The following DYSF variants were observed in gnomAD, a reference collection of about 807,000 sequenced individuals.
The protein encoded by DYSF is dysferlin, also known as dystrophy-associated fer-1-like 1.
DYSF carries 212 observed loss-of-function variants against 274.9 expected under a neutral mutation model. The observed-to-expected ratio is 0.77, with a 90% CI of 0.69 to 0.86. The LOEUF (loss-of-function observed/expected upper bound fraction) is 0.86, where lower values mean the gene tolerates loss of function less well. Among genes scored for constraint, DYSF ranks in the 40% least tolerant of loss-of-function variants. The pLI is 0.00. For synonymous variants in DYSF, 1,091 were observed against 1,078.7 expected, an observed-to-expected ratio of 1.01 and a Z score of -0.22; for missense variants, 2,666 against 2,783.2, an observed-to-expected ratio of 0.96 and a Z score of 0.95.
intron 43 of DYSF, among the ~76,000 whole-genome samples, chr2:71,657,588 T>C (rs2094797714): frequency 6.6e-6 from 1 of 152,206 alleles, no homozygotes; most frequent in Admixed American, 6.5e-5. Flanking sequence ...ATCCAGGTGT[T>C]TCCATACCTC....
In DYSF at chr2:71,527,628, G is replaced by GT. The variant is rs1026534356; in HGVS notation, c.1277-667dup. 7.2e-5 allele frequency among the ~76,000 whole-genome samples: 11 copies of GT among 152,144 alleles called. No homozygotes were observed. The East Asian group carries it at 2.1e-3, about 29-fold the overall frequency. On this transcript the variant is annotated intron_variant, in intron 13 of 55. Transcript: ENST00000410020. Reference sequence around the variant, plus strand: ...ATAGATGGGCAAACAGATCATAAATGTTTGCTAATTGTTGTTGCCTTTTGT... The same window carrying GT: ...ATAGATGGGCAAACAGATCATAAATGTTTTGCTAATTGTTGTTGCCTTTTGT...
At chr2:71,541,158 G>C (rs534922237) in intron 17 of DYSF, among the ~76,000 whole-genome samples, 2 of 152,176 alleles carry the variant, frequency 1.3e-5, no homozygotes, top group East Asian at 3.9e-4. Context: ...TAATTGTAAA[G>C]ATTTAAAGTC....
At chr2:71,539,069 T>C (rs1337893292) in intron 16 of DYSF, 88 bp from the exon 17 acceptor site, 6 of 1,161,390 alleles carry the variant, frequency 5.2e-6, no homozygotes, top group African/African-American at 3.0e-5. Context: ...CCCCCTGTGA[T>C]GTGTAACCGA....
intron 3 of DYSF, among the ~76,000 whole-genome samples, chr2:71,490,722 A>C (rs891080165): frequency 6.6e-6 from 1 of 152,214 alleles, no homozygotes; most frequent in Non-Finnish European, 1.5e-5. Context: ...GAATTATGCT[A>C]TATGTATTGG....
intron 54 of DYSF, among the ~76,000 whole-genome samples, chr2:71,682,067 G>A (rs1387344198): frequency 6.6e-6 from 1 of 152,126 alleles, no homozygotes; most frequent in East Asian, 1.9e-4. Flanking sequence ...GAGAGAACCA[G>A]CTTCCTATGT....
intron 41 of DYSF, among the ~76,000 whole-genome samples, chr2:71,627,082 A>G (rs2094219649): frequency 6.6e-6 from 1 of 151,636 alleles, no homozygotes; most frequent in Non-Finnish European, 1.5e-5. Flanking sequence ...GTCTATTCAA[A>G]GAATTTTTAG....
chr2:71,594,981 A>C (rs2093366520), intron 32 of DYSF, among the ~76,000 whole-genome samples: 1 of 152,232 alleles, frequency 6.6e-6, no homozygotes, highest in African/African-American at 2.4e-5. Flanking sequence ...CTAACCTCCC[A>C]CAGGATAGCC....
intron 45 of DYSF, 111 bp downstream of exon 45, chr2:71,660,762 CTG>C: frequency 2.2e-6 from 2 of 928,414 alleles, no homozygotes; most frequent in East Asian, 5.2e-5. Context: ...TGGAGCAAAA[CTG>C]TATTCCTTAA....
At chr2:71,656,411 G>A in intron 43 of DYSF, 121 bp downstream of exon 43, 4 of 1,392,574 alleles carry the variant, frequency 2.9e-6, no homozygotes, top group Non-Finnish European at 4.0e-6. Context: ...GTGACCACAT[G>A]GGTAATGGAG....
intron 55 of DYSF, among the ~76,000 whole-genome samples, chr2:71,686,202 T>C (rs1438014798): frequency 1.3e-5 from 2 of 152,120 alleles, no homozygotes; most frequent in Non-Finnish European, 2.9e-5. Context: ...GGGTGGAGTT[T>C]CGGAGGGTAT....
At chr2:71,650,625 C>A (rs889391512) in intron 42 of DYSF, among the ~76,000 whole-genome samples, 2 of 152,088 alleles carry the variant, frequency 1.3e-5, no homozygotes, top group African/African-American at 4.8e-5. Context: ...ATGTAACAGG[C>A]CATGAAGAAA....
At chr2:71,516,413 GTGTTAAAGCCTGACA>G (rs922200175) in intron 9 of DYSF, among the ~76,000 whole-genome samples, 171 bp downstream of exon 9, 1 of 152,190 alleles carries the variant, frequency 6.6e-6, no homozygotes, top group Non-Finnish European at 1.5e-5. Context: ...AGAGGGAGAC[GTGTTAAAGCCTGACA>G]TATGGATGAT....
intron 42 of DYSF, among the ~76,000 whole-genome samples, chr2:71,648,141 C>T (rs1427425939): frequency 1.3e-5 from 2 of 152,180 alleles, no homozygotes; most frequent in Non-Finnish European, 2.9e-5. Flanking sequence ...AAAATGAAAA[C>T]TTATCAGTAG....
At chr2:71,571,315 AC>A (rs1277962198) in intron 29 of DYSF, among the ~76,000 whole-genome samples, 5 of 150,210 alleles carry the variant, frequency 3.3e-5, no homozygotes, top group African/African-American at 1.2e-4. Context: ...TACACCTAGC[AC>A]ACCCAGCACA....
At chr2:71,499,364 T>C (rs1350581768) in intron 3 of DYSF, among the ~76,000 whole-genome samples, 13 of 152,392 alleles carry the variant, frequency 8.5e-5, no homozygotes, top group African/African-American at 2.9e-4. Flanking sequence ...TACTGTACTT[T>C]ATTTACCTGT....
upstream of DYSF, among the ~76,000 whole-genome samples, chr2:71,462,316 A>G (rs1300226962): frequency 6.6e-6 from 1 of 152,134 alleles, no homozygotes; most frequent in Non-Finnish European, 1.5e-5. Flanking sequence ...GGCCAGGCAT[A>G]CTGGAAGGGG....
chr2:71,602,510 C>T (rs570149193), intron 35 of DYSF, among the ~76,000 whole-genome samples: 1 of 152,308 alleles, frequency 6.6e-6, no homozygotes, highest in South Asian at 2.1e-4. Flanking sequence ...GGCGTCCAGG[C>T]TTATGCTTTA....
chr2:71,665,862 C>T (rs1345834674), intron 47 of DYSF, among the ~76,000 whole-genome samples: 2 of 151,790 alleles, frequency 1.3e-5, no homozygotes, highest in South Asian at 2.1e-4. Flanking sequence ...GCCACATGCT[C>T]TCCGTGTGTC....
At chr2:71,560,418 C>CCCCAGCACAGGGCTCCGGCCCAGGCCCCG (rs1553548260) in intron 22 of DYSF, among the ~76,000 whole-genome samples, 3 of 35,260 alleles carry the variant, frequency 8.5e-5, no homozygotes, top group Admixed American at 2.6e-4. Flanking sequence ...CCCAGGCAGG[C>CCCCAGCACAGGGCTCCGGCCCAGGCCCCG]CCCCGCCCCG....
Sources: gnomAD v4.1 joint callset for allele counts (sites outside exome capture counted in the v4.1 genomes callset) on GRCh38, gnomAD v4.1.1 for gene constraint, MANE v1.5 for transcripts, NCBI Gene and HGNC (gene_info 2026-07-23, HGNC 2026-07-21) for gene names.